The following USP32 variants were observed in gnomAD, a reference collection of about 807,000 sequenced individuals.
USP32 encodes the protein ubiquitin specific peptidase 32.
Under a neutral mutation model 204.8 loss-of-function variants are expected in USP32, and 59 were observed. The observed-to-expected ratio is 0.29, with a 90% confidence interval of 0.23 to 0.36. USP32 has a LOEUF of 0.36. Among genes scored for constraint, USP32 ranks in the 10% least tolerant of loss-of-function variants. The probability of loss-of-function intolerance (pLI) is 1.00; values close to 1 mark genes in which losing one functional copy is unlikely to be tolerated. For synonymous variants in USP32, 517 were observed against 678.4 expected, an observed-to-expected ratio of 0.76 and a Z score of 3.70; for missense variants, 1,160 against 1,946.4, an observed-to-expected ratio of 0.60 and a Z score of 7.60.
chr17:60,255,314 T>TTC, intron 9 of USP32, 56 bp from the exon 10 acceptor site: 1 of 1,334,780 alleles, frequency 7.5e-7, no homozygotes, highest in Admixed American at 2.1e-5. Context: ...TTTTTTTTTT[T>TTC]TGAGACGGAG....
chr17:60,403,341 A>C (rs73322693), intron 1 of USP32, among the ~76,000 whole-genome samples: 155 of 152,290 alleles, frequency 1.0e-3, no homozygotes, highest in African/African-American at 3.3e-3. Flanking sequence ...ACCTAGCCTC[A>C]GATGTAACGC....
chr17:60,411,282 C>T (rs758876671), intron 1 of USP32, among the ~76,000 whole-genome samples: 3 of 151,136 alleles, frequency 2.0e-5, no homozygotes, highest in South Asian at 4.2e-4. Context: ...CGAGATTGCC[C>T]GATTGCACTC....
chr17:60,365,890 C>T (rs1168608378), intron 1 of USP32, among the ~76,000 whole-genome samples: 1 of 152,196 alleles, frequency 6.6e-6, no homozygotes, highest in Non-Finnish European at 1.5e-5. Flanking sequence ...TCCAAACTGA[C>T]ATGAGAAATT....
In USP32 at chr17:60,265,914, G is replaced by T. The variant is rs2086579495; in HGVS notation, c.927+62C>A. The T allele has an allele frequency of 2.4e-6, 3 of 1,268,652 alleles. No homozygotes were observed. In the South Asian group the frequency reaches 3.7e-5, roughly 16 times the overall value. 78.6% of individuals were successfully genotyped at this position (1,268,652 alleles called of 1,614,324 possible). On this transcript the variant is annotated intron_variant, in intron 8 of 33. Transcript: ENST00000300896. ...ATTATTTTATGCTTTTAAAGAAAAT[G>T]ATTCCCTCCAATTTCCCATTGGAAG...
At chr17:60,382,483 G>A (rs1161308384) in intron 1 of USP32, among the ~76,000 whole-genome samples, 1 of 151,874 alleles carries the variant, frequency 6.6e-6, no homozygotes, top group Non-Finnish European at 1.5e-5. Context: ...ATATACCATT[G>A]TAATAAAAAC....
chr17:60,374,242 A>G (rs1250735163), intron 1 of USP32, among the ~76,000 whole-genome samples: 2 of 152,168 alleles, frequency 1.3e-5, no homozygotes, highest in East Asian at 3.9e-4. Flanking sequence ...CACAGCATCA[A>G]GATCATCAAT....
chr17:60,380,720 G>A (rs1056631291), intron 1 of USP32, among the ~76,000 whole-genome samples: 2 of 152,116 alleles, frequency 1.3e-5, no homozygotes, highest in African/African-American at 4.8e-5. Flanking sequence ...AAAATTGCAT[G>A]GAATTTTGAC....
At chr17:60,297,543 G>C (rs1038253741) in intron 3 of USP32, among the ~76,000 whole-genome samples, 3 of 151,778 alleles carry the variant, frequency 2.0e-5, no homozygotes, top group African/African-American at 7.3e-5. Context: ...CCACCTCCTG[G>C]ATTCAAGCAA....
At chr17:60,327,097 G>A (rs1203913152) in intron 2 of USP32, among the ~76,000 whole-genome samples, 1 of 152,186 alleles carries the variant, frequency 6.6e-6, no homozygotes, top group Non-Finnish European at 1.5e-5. Flanking sequence ...ACAATTGGTT[G>A]TATATTTTCA....
chr17:60,215,689 TA>T (rs952981729), intron 16 of USP32, among the ~76,000 whole-genome samples: 28 of 150,904 alleles, frequency 1.9e-4, no homozygotes, highest in African/African-American at 6.1e-4. Context: ...ACATATCAAT[TA>T]AAAAAAAAGA....
chr17:60,223,901 T>G (rs1232877955), intron 13 of USP32, among the ~76,000 whole-genome samples: 1 of 152,232 alleles, frequency 6.6e-6, no homozygotes, highest in Non-Finnish European at 1.5e-5. Context: ...TGGCTGGGCT[T>G]CTACATAGCA....
chr17:60,184,868 A>T (rs1230827010), intron 30 of USP32, among the ~76,000 whole-genome samples: 5 of 152,146 alleles, frequency 3.3e-5, no homozygotes, highest in South Asian at 4.1e-4. Flanking sequence ...AGTACCTTAC[A>T]GTTACACTGA....
intron 1 of USP32, among the ~76,000 whole-genome samples, chr17:60,398,155 A>G (rs1417021002): frequency 6.6e-6 from 1 of 152,218 alleles, no homozygotes; most frequent in African/African-American, 2.4e-5. Context: ...GCTTGGGCCA[A>G]GGAGTTTGAG....
rs191921480 is a variant in USP32, at chr17:60,315,101, T to C, written c.187-13397A>G. Among the ~76,000 whole-genome samples the C allele has an allele frequency of 1.1e-3, 172 of 152,224 alleles. 1 individual carries two copies. The highest frequency in any genetic ancestry group is 7.0e-3 in the Admixed American group (107 of 15,282). ...CACTTCACACCTACAAGAACGGCTA[T>C]AATAAAATGAATGAGGCCGGGTGTG... On this transcript the variant is annotated intron_variant, in intron 2 of 33. Coordinates refer to ENST00000300896, the MANE Select transcript of USP32 (RefSeq NM_032582.4).
upstream of USP32, chr17:60,392,265 C>A (rs1403404139): frequency 9.4e-6 from 3 of 317,744 alleles, no homozygotes; most frequent in East Asian, 1.7e-4. Flanking sequence ...CCGAGGGTCA[C>A]GGGACCCGAG....
intron 5 of USP32, 104 bp downstream of exon 5, chr17:60,288,419 C>T: frequency 2.2e-6 from 3 of 1,353,398 alleles, no homozygotes; most frequent in African/African-American, 1.5e-5. Flanking sequence ...CAGCCTGGGA[C>T]AGAATTTAAA....
At chr17:60,264,857 CAAA>C (rs34027846) in intron 9 of USP32, among the ~76,000 whole-genome samples, 1 of 43,512 alleles carries the variant, frequency 2.3e-5, no homozygotes, top group African/African-American at 8.7e-5. Flanking sequence ...AAGACTCTGT[CAAA>C]AAAAAAAAAA....
intron 1 of USP32, among the ~76,000 whole-genome samples, chr17:60,353,913 A>C (rs1422911632): frequency 6.6e-6 from 1 of 152,094 alleles, no homozygotes; most frequent in East Asian, 1.9e-4. Context: ...AAACTTTTAG[A>C]GGTTACCGTG....
intron 9 of USP32, chr17:60,258,143 G>A (rs1438378888): frequency 6.4e-6 from 1 of 156,398 alleles, no homozygotes; most frequent in Non-Finnish European, 1.5e-5. Flanking sequence ...CTCTGAAGTT[G>A]AGCTCCAACG....
Sources: gnomAD v4.1 joint callset for allele counts (sites outside exome capture counted in the v4.1 genomes callset) on GRCh38, gnomAD v4.1.1 for gene constraint, MANE v1.5 for transcripts, NCBI Gene and HGNC (gene_info 2026-07-23, HGNC 2026-07-21) for gene names.